DOCK9: variants seen among roughly 807,000 people sequenced by gnomAD.
DOCK9 encodes dedicator of cytokinesis 9.
Under a neutral mutation model 263.3 loss-of-function variants are expected in DOCK9, and 89 were observed. The ratio of observed to expected loss-of-function variants is 0.34; its 90% CI spans 0.28 to 0.40. DOCK9 has a LOEUF of 0.40. DOCK9 is among the 10% of genes least tolerant of loss of function. The probability of loss-of-function intolerance (pLI) is 1.00; values close to 1 mark genes in which losing one functional copy is unlikely to be tolerated. For synonymous variants in DOCK9, 976 were observed against 973.1 expected (o/e 1.00, Z -0.06); for missense variants, 2,140 against 2,603.4 (o/e 0.82, Z 3.87).
chr13:99,004,759 G>A (rs897467760), intron 1 of DOCK9, among the ~76,000 whole-genome samples: 1 of 149,818 alleles, frequency 6.7e-6, no homozygotes, highest in Non-Finnish European at 1.5e-5. Flanking sequence ...CAATATTCTA[G>A]TACTGCATTG....
intron 1 of DOCK9, among the ~76,000 whole-genome samples, chr13:99,054,975 G>T (rs1193061887): frequency 6.6e-6 from 1 of 152,168 alleles, no homozygotes; most frequent in Non-Finnish European, 1.5e-5. Flanking sequence ...AAACCAAAGA[G>T]CTAAATCAGT....
chr13:98,838,507 T>A (rs1302298798), intron 38 of DOCK9, among the ~76,000 whole-genome samples: 1 of 152,154 alleles, frequency 6.6e-6, no homozygotes, highest in African/African-American at 2.4e-5. Flanking sequence ...GAAAGAAATG[T>A]TTAGAAAAAG....
In DOCK9 at chr13:98,853,358, A is replaced by C. The variant is rs879139839; in HGVS notation, c.3946+50T>G. The C allele has an allele frequency of 3.1e-6, 4 of 1,275,706 alleles. No individual in the cohort carries two copies. In the Admixed American group the frequency reaches 6.3e-5, roughly 20 times the overall value. 79.0% of individuals were successfully genotyped at this position (1,275,706 alleles called of 1,614,324 possible). On this transcript the variant is annotated intron_variant, in intron 35 of 52. Coordinates refer to ENST00000682017, the MANE Select transcript of DOCK9 (RefSeq NM_001366683.2). The stretch of plus-strand genomic sequence containing the variant: ...AACTTATTACAAGTTAAAACCAAAC[A>C]AACCAAGTGCTGAAACGAGCAAAAC...
intron 1 of DOCK9, among the ~76,000 whole-genome samples, chr13:99,032,664 C>T (rs7325596): frequency 7.0e-6 from 1 of 143,240 alleles, no homozygotes. Context: ...TATTAATTTA[C>T]ATGACATAAA....
chr13:98,949,736 T>C, intron 2 of DOCK9: 1 of 313,480 alleles, frequency 3.2e-6, no homozygotes, highest in Admixed American at 3.9e-5. Flanking sequence ...AGCTGGTGGA[T>C]GAGCTGATTG....
chr13:99,060,523 AT>A (rs770382040), intron 1 of DOCK9, among the ~76,000 whole-genome samples: 3 of 152,216 alleles, frequency 2.0e-5, no homozygotes, highest in Non-Finnish European at 4.4e-5. Flanking sequence ...ATAACTCTAT[AT>A]TTAACTTTCT....
intron 1 of DOCK9, among the ~76,000 whole-genome samples, chr13:99,059,483 C>T (rs576333077): frequency 5.9e-5 from 9 of 152,098 alleles, no homozygotes; most frequent in Admixed American, 2.0e-4. Context: ...CTATCATTCC[C>T]GCAGCTATTT....
At chr13:98,845,883 T>G (rs764554308) in intron 38 of DOCK9, 41 bp downstream of exon 38, 1 of 1,606,662 alleles carries the variant, frequency 6.2e-7, no homozygotes, top group Non-Finnish European at 8.5e-7. Context: ...AGATGGCACA[T>G]GAGATGGCTG....
At chr13:98,814,725 G>A (rs576820959) in intron 45 of DOCK9, among the ~76,000 whole-genome samples, 1 of 152,128 alleles carries the variant, frequency 6.6e-6, no homozygotes, top group African/African-American at 2.4e-5. Context: ...GATTGCTTGA[G>A]CTCAGGGGTT....
At chr13:98,979,160 T>C (rs576332671), upstream of DOCK9, among the ~76,000 whole-genome samples, 26 of 147,900 alleles carry the variant, frequency 1.8e-4, no homozygotes, top group Admixed American at 1.4e-3. Flanking sequence ...GCAGTAGCAG[T>C]AACAGCAGTA....
At chr13:99,084,185 T>G (rs2042239245) in intron 1 of DOCK9, among the ~76,000 whole-genome samples, 1 of 152,082 alleles carries the variant, frequency 6.6e-6, no homozygotes, top group Non-Finnish European at 1.5e-5. Context: ...CTGGAGCCAC[T>G]AGAGGAAGTA....
intron 1 of DOCK9, among the ~76,000 whole-genome samples, chr13:98,963,515 A>T (rs537672416): frequency 5.1e-4 from 78 of 152,344 alleles, no homozygotes; most frequent in African/African-American, 1.9e-3. Context: ...GATAGCTTCA[A>T]ATGAACTTTC....
intron 2 of DOCK9, among the ~76,000 whole-genome samples, chr13:98,937,520 C>G (rs2055074266): frequency 6.6e-6 from 1 of 152,074 alleles, no homozygotes; most frequent in Non-Finnish European, 1.5e-5. Context: ...AAACACGTAG[C>G]CTTTGACACT....
intron 45 of DOCK9, among the ~76,000 whole-genome samples, chr13:98,821,905 T>C (rs564825068): frequency 4.6e-5 from 7 of 152,370 alleles, no homozygotes; most frequent in Admixed American, 2.6e-4. Flanking sequence ...AACTGTGTTA[T>C]ACACTTATCT....
In DOCK9 at chr13:98,798,187, G is replaced by A. The variant is rs148461509; in HGVS notation, c.5917-698C>T. Among the ~76,000 whole-genome samples, 464 of 152,332 alleles carry A rather than the reference G, an allele frequency of 3.0e-3. 3 individuals are homozygous for A. The highest frequency in any genetic ancestry group is 0.011 in the African/African-American group (449 of 41,570). On this transcript the variant is annotated intron_variant, in intron 50 of 52. Transcript: ENST00000682017. ...AAGGCTGGACACACTGGGATGGGAA[G>A]AAGAATGTTCCAGGCGTCTGAGACA... is the stretch of plus-strand genomic sequence containing the variant.
At chr13:99,018,067 A>G (rs960695881) in intron 1 of DOCK9, among the ~76,000 whole-genome samples, 5 of 152,258 alleles carry the variant, frequency 3.3e-5, no homozygotes, top group Non-Finnish European at 7.3e-5. Flanking sequence ...AAAAAACAAT[A>G]AGAGAGAATG....
chr13:99,034,353 C>G (rs922057744), intron 1 of DOCK9, among the ~76,000 whole-genome samples: 2 of 152,130 alleles, frequency 1.3e-5, no homozygotes, highest in African/African-American at 4.8e-5. Flanking sequence ...AGCTGAAGCT[C>G]CCAGAGATTC....
intron 7 of DOCK9, among the ~76,000 whole-genome samples, chr13:98,916,129 T>C (rs2050848967): frequency 6.6e-6 from 1 of 152,218 alleles, no homozygotes; most frequent in Non-Finnish European, 1.5e-5. Flanking sequence ...CAGTAGTCCA[T>C]GTGCAGTAAC....
At chr13:98,997,012 C>T (rs1179744701) in intron 1 of DOCK9, among the ~76,000 whole-genome samples, 1 of 152,174 alleles carries the variant, frequency 6.6e-6, no homozygotes, top group African/African-American at 2.4e-5. Context: ...CATGTGCTCC[C>T]CTCTCACAAC....
Sources: gnomAD v4.1 joint callset for allele counts (sites outside exome capture counted in the v4.1 genomes callset) on GRCh38, gnomAD v4.1.1 for gene constraint, MANE v1.5 for transcripts, NCBI Gene and HGNC (gene_info 2026-07-23, HGNC 2026-07-21) for gene names.